BBS9: variants seen among roughly 807,000 people sequenced by gnomAD.
BBS9 encodes Bardet-Biedl syndrome 9.
BBS9 carries 89 observed loss-of-function variants against 117.7 expected under a neutral mutation model. That is an observed-to-expected ratio of 0.76 (90% CI 0.64 to 0.90). The LOEUF is 0.90. Ranked by LOEUF, BBS9 falls within the 40% of genes least tolerant of loss-of-function variation. The pLI, the probability that BBS9 is intolerant of heterozygous loss-of-function variation, is 0.00. For synonymous variants in BBS9, 379 were observed against 370.9 expected, an observed-to-expected ratio of 1.02 and a Z score of -0.25; for missense variants, 982 against 1,042.2, an observed-to-expected ratio of 0.94 and a Z score of 0.80.
At chr7:33,416,747 A>G (rs951299729) in intron 19 of BBS9, among the ~76,000 whole-genome samples, 10 of 152,162 alleles carry the variant, frequency 6.6e-5, no homozygotes, top group African/African-American at 2.4e-4. Context: ...TCCATAGCTT[A>G]TGAGCATCTC....
At position 33,605,976 on chromosome 7, in the gene BBS9, A is replaced by G. The variant is rs1864527064; in HGVS notation, c.*750A>G. 6.6e-6 allele frequency: 1 copy of G among 152,194 alleles called. No individual in the cohort carries two copies. Among genetic ancestry groups the G allele is most frequent in the African/African-American group, 2.4e-5 (1 of 41,464 alleles). 9.4% of individuals were successfully genotyped at this position (152,194 alleles called of 1,614,324 possible). A position where few individuals can be genotyped will look rare whatever the true frequency, so the allele number is the denominator to read the frequency against. On this transcript the variant is annotated 3_prime_UTR_variant, in exon 23 of 23. Coordinates refer to ENST00000242067, the MANE Select transcript of BBS9 (RefSeq NM_198428.3). ...ATTACAGTTAAAATTTAAGGTTTTT[A>G]TGTGTAAGAAGTGAAAGAAACTTTG...
chr7:33,305,103 C>T, intron 9 of BBS9, among the ~76,000 whole-genome samples: 1 of 150,656 alleles, frequency 6.6e-6, no homozygotes, highest in East Asian at 2.0e-4. Flanking sequence ...ACATCCCCCT[C>T]TCCGAGAAAC....
At chr7:33,596,599 T>G (rs1862857245) in intron 21 of BBS9, among the ~76,000 whole-genome samples, 1 of 152,260 alleles carries the variant, frequency 6.6e-6, no homozygotes, top group East Asian at 1.9e-4. Flanking sequence ...TTGTACCCCT[T>G]GTGTAAGTCC....
At chr7:33,390,702 G>T in intron 19 of BBS9, 1 of 734,436 alleles carries the variant, frequency 1.4e-6, no homozygotes, top group Non-Finnish European at 1.7e-6. Context: ...ATTTCCCAAA[G>T]AAAATTATAA....
chr7:33,255,704 C>T (rs1185500894), intron 5 of BBS9, among the ~76,000 whole-genome samples: 4 of 152,146 alleles, frequency 2.6e-5, no homozygotes, highest in Admixed American at 1.3e-4. Flanking sequence ...TTGCTGATTG[C>T]AGACAGGTAG....
intron 20 of BBS9, among the ~76,000 whole-genome samples, chr7:33,512,487 G>A (rs1273735893): frequency 6.6e-6 from 1 of 152,182 alleles, no homozygotes; most frequent in Non-Finnish European, 1.5e-5. Context: ...GTGAAATAAA[G>A]TAGGATTTAA....
intron 21 of BBS9, among the ~76,000 whole-genome samples, chr7:33,613,588 T>TA (rs1490818762): frequency 3.3e-5 from 5 of 151,772 alleles, no homozygotes; most frequent in Admixed American, 3.3e-4. Context: ...CACAGAAAAA[T>TA]AATACCTTCT....
chr7:33,224,036 G>A (rs1231743185), intron 5 of BBS9, among the ~76,000 whole-genome samples: 1 of 151,792 alleles, frequency 6.6e-6, no homozygotes, highest in East Asian at 1.9e-4. Context: ...GTTTAAATGT[G>A]GTAAATATAA....
At chr7:33,165,785 C>T (rs984015261) in intron 4 of BBS9, among the ~76,000 whole-genome samples, 2 of 152,106 alleles carry the variant, frequency 1.3e-5, no homozygotes, top group African/African-American at 4.8e-5. Flanking sequence ...CGAACATCCT[C>T]CTTTAGCTTG....
At chr7:33,565,819 A>ATACCTC (rs1856811668) in intron 21 of BBS9, among the ~76,000 whole-genome samples, 2 of 60,030 alleles carry the variant, frequency 3.3e-5, no homozygotes, top group African/African-American at 3.6e-4. Flanking sequence ...ATATATATAT[A>ATACCTC]TATATATACC....
chr7:33,631,312 C>T lies in BBS9; in HGVS notation c.2522-3865C>T, dbSNP rs148745387. On this transcript the variant is annotated intron_variant, in intron 21 of 21. Transcript: ENST00000671952. ...TTATCCCAGCAGCGTTCCATGCCAG[C>T]GGGCTCTTCCTTCTCTCTGGACCCT... 1.8e-3 allele frequency among the ~76,000 whole-genome samples: 270 copies of T among 152,270 alleles called. 1 individual carries two copies. Among genetic ancestry groups the T allele is most frequent in the South Asian group, 9.5e-3 (46 of 4,820 alleles).
rs112311052 is a variant in BBS9, at chr7:33,436,521, T to C, written c.2115+48377T>C. 4.3e-4 allele frequency among the ~76,000 whole-genome samples: 66 copies of C among 152,348 alleles called. 1 individual carries two copies. The highest frequency in any genetic ancestry group is 1.4e-3 in the African/African-American group (59 of 41,578). ...CATTATTTATAATCTCAAACTCATATTAGAAATAATGAATAAAAACATTTT... is the reference window on the plus strand; with the variant it reads ...CATTATTTATAATCTCAAACTCATACTAGAAATAATGAATAAAAACATTTT... On this transcript the variant is annotated intron_variant, in intron 19 of 22. Coordinates refer to ENST00000242067, the MANE Select transcript of BBS9 (RefSeq NM_198428.3).
chr7:33,254,648 C>A (rs1470479487), intron 5 of BBS9, among the ~76,000 whole-genome samples: 23 of 152,108 alleles, frequency 1.5e-4, no homozygotes, highest in Non-Finnish European at 4.4e-5. Flanking sequence ...ATCATTTGAC[C>A]AATATTTCCT....
chr7:33,583,531 T>C (rs1350701299), intron 21 of BBS9, among the ~76,000 whole-genome samples: 1 of 152,144 alleles, frequency 6.6e-6, no homozygotes, highest in African/African-American at 2.4e-5. Flanking sequence ...GTGATTGTAC[T>C]TAATTATGGG....
At chr7:33,216,990 G>C (rs1196559263) in intron 5 of BBS9, among the ~76,000 whole-genome samples, 1 of 152,148 alleles carries the variant, frequency 6.6e-6, no homozygotes, top group Non-Finnish European at 1.5e-5. Context: ...AGCTACTCAG[G>C]AGGCTGAGGC....
rs1260736006 is a variant in BBS9 at position 33,524,336 on chromosome 7, C to T, written c.2299-9618C>T. Among the ~76,000 whole-genome samples the T allele has an allele frequency of 3.9e-5, 6 of 152,166 alleles. No individual in the cohort carries two copies. The East Asian group carries it at 7.7e-4, about 20-fold the overall frequency. ...TTCAGAAGGAATGGTACCAGTTCCTCCTTGTACCTCTGATAGTATTCGGCT... is the reference window on the plus strand; with the variant it reads ...TTCAGAAGGAATGGTACCAGTTCCTTCTTGTACCTCTGATAGTATTCGGCT... On this transcript the variant is annotated intron_variant, in intron 20 of 22. Transcript: ENST00000242067.
At chr7:33,286,854 A>C (rs1802996913) in intron 9 of BBS9, among the ~76,000 whole-genome samples, 1 of 152,154 alleles carries the variant, frequency 6.6e-6, no homozygotes, top group Non-Finnish European at 1.5e-5. Flanking sequence ...AGAATAAAAA[A>C]AGAGAAATAT....
intron 21 of BBS9, among the ~76,000 whole-genome samples, chr7:33,563,866 A>G (rs536840046): frequency 3.9e-5 from 6 of 152,234 alleles, no homozygotes; most frequent in Non-Finnish European, 7.3e-5. Flanking sequence ...TTCTTTGAAC[A>G]GTGTTTACAG....
At position 33,158,354 on chromosome 7, in the gene BBS9, A is replaced by G. The variant is rs537090309; in HGVS notation, c.328+2652A>G. On this transcript the variant is annotated intron_variant, in intron 4 of 22. Transcript: ENST00000242067. ...TGTATTTTCTAATTGATGAAACTTT[A>G]TAATGTATGTAGACTATAATCATAT... Among the ~76,000 whole-genome samples the G allele has an allele frequency of 2.0e-4, 30 of 152,334 alleles. No individual in the cohort carries two copies. The South Asian group carries it at 6.2e-3, about 32-fold the overall frequency.
Sources: allele counts gnomAD v4.1 joint callset (sites outside exome capture counted in the v4.1 genomes callset), GRCh38; gene constraint gnomAD v4.1.1; transcripts MANE v1.5; gene names NCBI Gene and HGNC (gene_info 2026-07-23, HGNC 2026-07-21).